Variants in PLPP1 observed in about 807,000 individuals in gnomAD.
The protein encoded by PLPP1 is phospholipid phosphatase 1.
PLPP1 carries 24 observed loss-of-function variants against 31.2 expected under a neutral mutation model. That is an observed-to-expected ratio of 0.77 (90% CI 0.56 to 1.08). The LOEUF is 1.08. PLPP1 is among the 50% of genes least tolerant of loss of function. The pLI is 0.00. For missense variants in PLPP1, 319 were observed against 342.7 expected, an observed-to-expected ratio of 0.93 and a Z score of 0.55; for synonymous variants, 146 against 126.3, an observed-to-expected ratio of 1.16 and a Z score of -1.05.
At chr5:55,466,584 T>A (rs1752299927) in intron 3 of PLPP1, among the ~76,000 whole-genome samples, 1 of 151,822 alleles carries the variant, frequency 6.6e-6, no homozygotes, top group African/African-American at 2.4e-5. Flanking sequence ...GTGCCTGTAG[T>A]CCCAGCTACT....
chr5:55,477,313 G>GCC (rs1175232646), intron 1 of PLPP1, among the ~76,000 whole-genome samples: 1 of 151,814 alleles, frequency 6.6e-6, no homozygotes, highest in African/African-American at 2.4e-5. Flanking sequence ...TAAATGCTTA[G>GCC]CCCCCTAATC....
At chr5:55,440,291 C>T (rs1277076271) in intron 4 of PLPP1, among the ~76,000 whole-genome samples, 2 of 152,182 alleles carry the variant, frequency 1.3e-5, no homozygotes, top group South Asian at 2.1e-4. Flanking sequence ...CACATTCAAA[C>T]GCCCTTCAGT....
At chr5:55,441,119 T>G (rs1751611292) in intron 4 of PLPP1, among the ~76,000 whole-genome samples, 1 of 152,196 alleles carries the variant, frequency 6.6e-6, no homozygotes, top group African/African-American at 2.4e-5. Context: ...AATTGACCTT[T>G]AAAAATCCCT....
intron 1 of PLPP1, among the ~76,000 whole-genome samples, chr5:55,527,093 C>G (rs959214479): frequency 2.0e-5 from 3 of 151,956 alleles, no homozygotes; most frequent in African/African-American, 7.3e-5. Context: ...AGTGAATGAA[C>G]AAATAAATGT....
At chr5:55,428,042 C>T (rs1318361457) in intron 4 of PLPP1, among the ~76,000 whole-genome samples, 1 of 152,168 alleles carries the variant, frequency 6.6e-6, no homozygotes, top group East Asian at 1.9e-4. Flanking sequence ...CCACCTCAGC[C>T]TCCCAAAGTG....
At chr5:55,506,073 A>G (rs1753269453) in intron 1 of PLPP1, among the ~76,000 whole-genome samples, 1 of 151,970 alleles carries the variant, frequency 6.6e-6, no homozygotes, top group South Asian at 2.1e-4. Context: ...AAACAAAACA[A>G]AACAAAACAA....
chr5:55,464,890 A>AT (rs1752252759), intron 3 of PLPP1, among the ~76,000 whole-genome samples: 1 of 152,218 alleles, frequency 6.6e-6, no homozygotes, highest in South Asian at 2.1e-4. Flanking sequence ...AACTTTACAA[A>AT]TTTATTCAAT....
chr5:55,478,836 G>C (rs1201055991), intron 1 of PLPP1, among the ~76,000 whole-genome samples: 1 of 152,028 alleles, frequency 6.6e-6, no homozygotes, highest in Non-Finnish European at 1.5e-5. Context: ...AATAAGAAGG[G>C]GTAATATCCT....
chr5:55,512,492 G>GA (rs1554041602), intron 1 of PLPP1, among the ~76,000 whole-genome samples: 4 of 9,108 alleles, frequency 4.4e-4, no homozygotes, highest in African/African-American at 1.2e-3. Context: ...AAGAAAGAAA[G>GA]AAAGAAAAGA....
chr5:55,532,684 C>T (rs186748948), intron 1 of PLPP1, among the ~76,000 whole-genome samples: 75 of 152,088 alleles, frequency 4.9e-4, no homozygotes, highest in Non-Finnish European at 1.0e-3. Flanking sequence ...TTCAGTTGGG[C>T]GCGGTGGTTG....
chr5:55,494,410 A>C (rs1175614797), intron 1 of PLPP1, among the ~76,000 whole-genome samples: 1 of 152,322 alleles, frequency 6.6e-6, no homozygotes, highest in African/African-American at 2.4e-5. Context: ...CGAAAGTTCC[A>C]TTGATAGAAA....
intron 3 of PLPP1, among the ~76,000 whole-genome samples, chr5:55,442,974 T>C (rs2111711603): frequency 6.6e-6 from 1 of 151,660 alleles, no homozygotes; most frequent in East Asian, 1.9e-4. Context: ...CCAACCACTT[T>C]TCCCTACGTA....
chr5:55,444,006 C>T (rs528995346), intron 3 of PLPP1, among the ~76,000 whole-genome samples: 1 of 151,966 alleles, frequency 6.6e-6, no homozygotes, highest in Admixed American at 6.5e-5. Context: ...TTAAGGATAT[C>T]TTATTATGAC....
intron 1 of PLPP1, chr5:55,530,654 C>T: frequency 6.3e-7 from 1 of 1,597,604 alleles, no homozygotes; most frequent in Non-Finnish European, 8.6e-7. Flanking sequence ...CAGAAAACTT[C>T]CTCATTATAT....
intron 2 of PLPP1, chr5:55,468,353 G>T: frequency 2.1e-6 from 1 of 468,968 alleles, no homozygotes; most frequent in Non-Finnish European, 3.7e-6. Context: ...ATCAATGGTG[G>T]ACATTACTTA....
At chr5:55,514,835 A>T (rs1368331635) in intron 1 of PLPP1, among the ~76,000 whole-genome samples, 1 of 152,254 alleles carries the variant, frequency 6.6e-6, no homozygotes, top group African/African-American at 2.4e-5. Context: ...TAAGATGAAG[A>T]AGGAAGGATT....
At chr5:55,511,351 TG>T (rs1172167914) in intron 1 of PLPP1, among the ~76,000 whole-genome samples, 1 of 152,128 alleles carries the variant, frequency 6.6e-6, no homozygotes, top group South Asian at 2.1e-4. Context: ...TATCCAAAAA[TG>T]GGGGCAAAGT....
At chr5:55,509,053 A>G (rs1753348789) in intron 1 of PLPP1, 1 of 152,276 alleles carries the variant, frequency 6.6e-6, no homozygotes, top group South Asian at 2.1e-4. Context: ...TTAGACAACT[A>G]AAAAACAGGA....
At position 55,525,139 on chromosome 5, in the gene PLPP1, G is replaced by A. The variant is rs147712849; in HGVS notation, c.58+9433C>T. ...TCATGAGAAACATTTTAAAGTTTGT[G>A]TTTTTGTCCCTAATACAAAACTAGT... On this transcript the variant is annotated intron_variant, in intron 1 of 5. Coordinates refer to ENST00000307259, the MANE Select transcript of PLPP1 (RefSeq NM_003711.4). Among the ~76,000 whole-genome samples the A allele has an allele frequency of 8.7e-3, 1,332 of 152,258 alleles. 18 individuals carry two copies. The highest frequency in any genetic ancestry group is 0.031 in the African/African-American group (1,285 of 41,528).
Sources: gnomAD v4.1 joint callset for allele counts (sites outside exome capture counted in the v4.1 genomes callset) on GRCh38, gnomAD v4.1.1 for gene constraint, MANE v1.5 for transcripts, NCBI Gene and HGNC (gene_info 2026-07-23, HGNC 2026-07-21) for gene names.